Variants in ASPDH observed in about 807,000 individuals in gnomAD.
ASPDH encodes the protein aspartate dehydrogenase domain containing.
ASPDH carries 25 observed loss-of-function variants against 30.5 expected under a neutral mutation model. That is an observed-to-expected ratio of 0.82 (90% CI 0.60 to 1.14). The LOEUF (loss-of-function observed/expected upper bound fraction) is 1.14, where lower values mean the gene tolerates loss of function less well. Among genes scored for constraint, ASPDH ranks in the 50% most tolerant of loss-of-function variants. The probability of loss-of-function intolerance (pLI) is 0.00; values close to 1 mark genes in which losing one functional copy is unlikely to be tolerated. For missense variants in ASPDH, 401 were observed against 381.5 expected (o/e 1.05, Z -0.43); for synonymous variants, 168 against 156.3 (o/e 1.07, Z -0.56).
chr19:50,511,893 G>A, intron 6 of ASPDH, 120 bp from the exon 7 acceptor site: 1 of 782,842 alleles, frequency 1.3e-6, no homozygotes, highest in Admixed American at 3.5e-5. Context: ...GACCCGGAGA[G>A]AGCGGGACAG....
chr19:50,514,912 G>T (rs1443287101), upstream of ASPDH: 18 of 985,314 alleles, frequency 1.8e-5, no homozygotes, highest in Non-Finnish European at 2.2e-5. Context: ...GCACCCAAAG[G>T]CTGCCGCTGC....
At chr19:50,514,017 T>C, upstream of ASPDH, 1 of 656,240 alleles carries the variant, frequency 1.5e-6, no homozygotes, top group Non-Finnish European at 2.6e-6. Flanking sequence ...CTGTGCTCTG[T>C]CCACTTTCCC....
upstream of ASPDH, chr19:50,514,015 T>C (rs773270149): frequency 1.5e-6 from 1 of 660,050 alleles, no homozygotes; most frequent in Non-Finnish European, 2.5e-6. Context: ...CCCTGTGCTC[T>C]GTCCACTTTC....
upstream of ASPDH, chr19:50,514,625 A>C: frequency 6.2e-7 from 1 of 1,602,254 alleles, no homozygotes. Flanking sequence ...AAGTGCCCCC[A>C]ACATGAGCCC....
upstream of ASPDH, chr19:50,514,767 A>G (rs1601362125): frequency 1.5e-5 from 17 of 1,117,174 alleles, no homozygotes; most frequent in Admixed American, 4.0e-5. Flanking sequence ...CGCTGGAAGG[A>G]GGCTGGAGAG....
In ASPDH at chr19:50,513,796, C is replaced by G. The variant is rs535109093; in HGVS notation, c.28G>C (p.Gly10Arg). ...CCGAGGCGGCCATAGCCCACCACGC[C>G]CACCCTCCACGGGCCCCTGTCGGCC... MADRGPWRV[G>R]VVGYGRLGQS... The change falls in exon 1 of 7, where the codon GGC becomes CGC. Residue 10 changes from glycine (G) to arginine (R), a missense_variant. Physicochemically the swap from Gly to Arg is moderately radical, Grantham distance 125. Transcript: ENST00000389208. This position sits in a 1 kb window ranked among gnomAD's most constrained non-coding sequence, Gnocchi z 4.9. The G allele has an allele frequency of 2.5e-5, 39 of 1,551,086 alleles. No individual in the cohort carries two copies. In the African/African-American group the frequency reaches 3.8e-4, roughly 15 times the overall value.
chr19:50,514,640 C>T, upstream of ASPDH: 1 of 1,591,732 alleles, frequency 6.3e-7, no homozygotes, highest in South Asian at 1.1e-5. Flanking sequence ...GAGCCCCAGC[C>T]TCTGTGCCTT....
chr19:50,512,300 GAGGGGC>G lies in ASPDH; in HGVS notation c.654-16_654-11del, dbSNP rs1406908971. ...GTGCATGTCCGTGAGGCTGGGACAA[GAGGGGC>G]AGTCAGTCTGGAGAGCCTGGACTCA... is the stretch of plus-strand genomic sequence containing the variant. On this transcript the variant is annotated splice_polypyrimidine_tract_variant and intron_variant, in intron 5 of 6. Transcript: ENST00000389208. 6.2e-7 allele frequency: 1 copy of G among 1,613,880 alleles called. No individual in the cohort carries two copies. The highest frequency in any genetic ancestry group is 1.1e-5 in the South Asian group (1 of 91,086).
At chr19:50,514,149 C>A (rs531194345), upstream of ASPDH, among the ~76,000 whole-genome samples, 69 of 152,280 alleles carry the variant, frequency 4.5e-4, no homozygotes, top group African/African-American at 1.6e-3. Context: ...GTCCCCTGCC[C>A]CCTCTCTGGC....
At chr19:50,514,588 G>A (rs935659833), upstream of ASPDH, 4 of 1,611,724 alleles carry the variant, frequency 2.5e-6, no homozygotes, top group Admixed American at 3.3e-5. Context: ...GTCAGCCCAG[G>A]AGAAGCCTTC....
rs565810097 is a variant in ASPDH, at chr19:50,513,127, A to G, written c.198-116T>C. On this transcript the variant is annotated intron_variant, in intron 2 of 6. Transcript: ENST00000389208. The surrounding 1 kb of genome is among the most constrained non-coding windows in gnomAD (Gnocchi z 4.9). ...TCTTCTCCCTGACCTGGGAGGCGAA[A>G]TGAGATGAATGGGTTCGTCCTGTTT... is the stretch of plus-strand genomic sequence containing the variant. 54 of 1,257,352 alleles carry G rather than the reference A, an allele frequency of 4.3e-5. No individual in the cohort carries two copies. In the African/African-American group the frequency reaches 6.4e-4, roughly 15 times the overall value. The allele number at this position is 1,257,352 out of a possible 1,614,324, so 77.9% of individuals were successfully genotyped here.
Position 50,512,158 on chromosome 19 carries a change from C to T in ASPDH, c.786G>A (p.Thr262=), listed in dbSNP as rs745450195. The T allele has an allele frequency of 2.5e-6, 4 of 1,575,912 alleles. No individual in the cohort carries two copies. The highest frequency in any genetic ancestry group is 1.1e-5 in the South Asian group (1 of 87,486). ...PGAVTGSATV[T]AFWQSLLACC... ...CACCCAGGAGGCTCTGCCAGAAGGC[C>T]GTGACGGTGGCGGAGCCGGTGACCG... The change falls in exon 6 of 7, where the codon ACG becomes ACA. Residue 262 remains threonine (T), a synonymous_variant. Coordinates refer to ENST00000389208, the MANE Select transcript of ASPDH (RefSeq NM_001114598.2).
chr19:50,513,230 G>T lies in ASPDH; in HGVS notation c.197+42C>A. On this transcript the variant is annotated intron_variant, in intron 2 of 6. Transcript: ENST00000389208. This position sits in a 1 kb window ranked among gnomAD's most constrained non-coding sequence, Gnocchi z 4.9. Reference sequence around the variant, plus strand: ...ACAGTGGCTAAGAGAGCCAGGACAGGAGCTTCAGGGAGCTCCACTCTCCCA... The same window carrying T: ...ACAGTGGCTAAGAGAGCCAGGACAGTAGCTTCAGGGAGCTCCACTCTCCCA... 7.0e-7 allele frequency: 1 copy of T among 1,438,340 alleles called. No individual in the cohort carries two copies. Among genetic ancestry groups the T allele is most frequent in the South Asian group, 1.5e-5 (1 of 66,510 alleles). The allele number at this position is 1,438,340 out of a possible 1,614,324, so 89.1% of individuals were successfully genotyped here. A position where few individuals can be genotyped will look rare whatever the true frequency, so the allele number is the denominator to read the frequency against.
In ASPDH at chr19:50,512,422, A is replaced by G. The variant is rs773310355; in HGVS notation, c.591T>C (p.Ala197=). The change falls in exon 5 of 7, where the codon GCT becomes GCC. Residue 197 remains alanine (A), a synonymous_variant. Transcript: ENST00000389208. The part of the protein sequence containing the change: ...APRNSNTMAA[A]ALAAPSLGFD... ...AGCCCAGGCTGGGGGCAGCCAGGGCAGCCGCCGCCATGGTGTTGGAATTTC... is the reference window on the plus strand; with the variant it reads ...AGCCCAGGCTGGGGGCAGCCAGGGCGGCCGCCGCCATGGTGTTGGAATTTC... The G allele has an allele frequency of 1.2e-6, 2 of 1,612,294 alleles. No homozygotes were observed. Among genetic ancestry groups the G allele is most frequent in the Admixed American group, 1.7e-5 (1 of 59,798 alleles).
intron 3 of ASPDH, 56 bp downstream of exon 3, chr19:50,512,871 G>A: frequency 6.3e-7 from 1 of 1,599,754 alleles, no homozygotes; most frequent in South Asian, 1.1e-5. Flanking sequence ...TCAGGGTGGG[G>A]TGAGACCAAG....
chr19:50,513,439 G>C lies in ASPDH; in HGVS notation c.53-23C>G. 6.8e-7 allele frequency: 1 copy of C among 1,464,858 alleles called. No homozygotes were observed. The highest frequency in any genetic ancestry group is 1.4e-5 in the South Asian group (1 of 69,296). 90.7% of individuals were successfully genotyped at this position (1,464,858 alleles called of 1,614,324 possible). Reference sequence around the variant, plus strand: ...GTCCTGGGGAGAGGGAAAGGAGAGGGCTAGAGATCCAGAGAGAGGGGGACA... The same window carrying C: ...GTCCTGGGGAGAGGGAAAGGAGAGGCCTAGAGATCCAGAGAGAGGGGGACA... On this transcript the variant is annotated intron_variant, in intron 1 of 6. Transcript: ENST00000389208. The surrounding 1 kb of genome is among the most constrained non-coding windows in gnomAD (Gnocchi z 4.9).
At chr19:50,514,812 GGCGGGCACTGGGTGGCGAGA>G, upstream of ASPDH, 1 of 1,241,384 alleles carries the variant, frequency 8.1e-7, no homozygotes. Context: ...GGGTGGGGGG[GGCGGGCACTGGGTGGCGAGA>G]GCCCCAAGTT....
intron 6 of ASPDH, 149 bp downstream of exon 6, chr19:50,511,987 T>C: frequency 1.4e-6 from 1 of 707,400 alleles, no homozygotes; most frequent in Non-Finnish European, 2.1e-6. Context: ...GGATTCAAAG[T>C]CATGGAGAGA....
Position 50,513,815 on chromosome 19 carries a change from G to T in ASPDH, c.9C>A (p.Asp3Glu). 1 of 1,550,636 alleles carries T rather than the reference G, an allele frequency of 6.4e-7. No homozygotes were observed. Among genetic ancestry groups the T allele is most frequent in the Non-Finnish European group, 8.7e-7 (1 of 1,146,794 alleles). MADRGPWRVGVVG... is the reference protein window; with the variant it reads MAERGPWRVGVVG... ...CCACGCCCACCCTCCACGGGCCCCTGTCGGCCATGGCCCTGAGTGCGGTGT... is the reference window on the plus strand; with the variant it reads ...CCACGCCCACCCTCCACGGGCCCCTTTCGGCCATGGCCCTGAGTGCGGTGT... The change falls in exon 1 of 7, where the codon GAC (aspartate) becomes GAA (glutamate). Residue 3 changes from aspartate (D) to glutamate (E), a missense_variant. Asp to Glu is a conservative substitution (Grantham distance 45). Transcript: ENST00000389208. The surrounding 1 kb of genome is among the most constrained non-coding windows in gnomAD (Gnocchi z 4.9).
Sources: allele counts gnomAD v4.1 joint callset (sites outside exome capture counted in the v4.1 genomes callset), GRCh38; gene constraint gnomAD v4.1.1; non-coding constraint Gnocchi (gnomAD v3.1); transcripts MANE v1.5; gene names NCBI Gene and HGNC (gene_info 2026-07-23, HGNC 2026-07-21).